The following PIP5K1B variants were observed in gnomAD, a reference collection of about 807,000 sequenced individuals.
The protein encoded by PIP5K1B is phosphatidylinositol 4-phosphate 5-kinase type-1 beta.
PIP5K1B carries 42 observed loss-of-function variants against 67.0 expected under a neutral mutation model. That is an observed-to-expected ratio of 0.63 (90% CI 0.49 to 0.81). The LOEUF (loss-of-function observed/expected upper bound fraction) is 0.81. Ranked by LOEUF, PIP5K1B falls within the 30% of genes least tolerant of loss-of-function variation. The pLI is 0.00. For synonymous variants in PIP5K1B, 214 were observed against 231.4 expected, an observed-to-expected ratio of 0.92 and a Z score of 0.68; for missense variants, 459 against 646.3, an observed-to-expected ratio of 0.71 and a Z score of 3.14.
intron 2 of PIP5K1B, among the ~76,000 whole-genome samples, chr9:68,753,955 C>T (rs973420255): frequency 4.6e-5 from 7 of 151,926 alleles, no homozygotes; most frequent in Admixed American, 6.6e-5. Flanking sequence ...CTACCATGCC[C>T]GGCCCTTCTT....
At chr9:68,757,895 A>G (rs1334769983) in intron 2 of PIP5K1B, among the ~76,000 whole-genome samples, 1 of 152,150 alleles carries the variant, frequency 6.6e-6, no homozygotes, top group Non-Finnish European at 1.5e-5. Flanking sequence ...TGCATGAAGC[A>G]GCTATTTGAG....
intron 1 of PIP5K1B, among the ~76,000 whole-genome samples, chr9:68,737,939 C>T (rs1006823463): frequency 6.6e-6 from 1 of 152,146 alleles, no homozygotes. Context: ...ACAAATATCT[C>T]TCACCGGTCT....
chr9:68,876,874 T>C, intron 6 of PIP5K1B, 80 bp downstream of exon 6: 1 of 766,462 alleles, frequency 1.3e-6, no homozygotes, highest in Non-Finnish European at 2.3e-6. Flanking sequence ...AACAAGTGGC[T>C]TGTGTCTCTC....
At chr9:68,778,788 C>CT (rs1831054712) in intron 2 of PIP5K1B, among the ~76,000 whole-genome samples, 1 of 152,226 alleles carries the variant, frequency 6.6e-6, no homozygotes, top group Admixed American at 6.5e-5. Context: ...TTACCCTCTC[C>CT]TAACACTCCC....
chr9:68,814,096 C>T (rs1833307308), intron 2 of PIP5K1B, among the ~76,000 whole-genome samples: 1 of 152,180 alleles, frequency 6.6e-6, no homozygotes, highest in Non-Finnish European at 1.5e-5. Flanking sequence ...GCCACTCAGT[C>T]ACAAGAGGTG....
chr9:68,730,600 G>A (rs1422721588), intron 1 of PIP5K1B, among the ~76,000 whole-genome samples: 1 of 152,174 alleles, frequency 6.6e-6, no homozygotes, highest in Non-Finnish European at 1.5e-5. Context: ...ATTCTTAACA[G>A]ATATCACACT....
rs763190878 is a variant in PIP5K1B, at chr9:68,780,997, T to G, written c.-85-37464T>G. On this transcript the variant is annotated intron_variant, in intron 2 of 15. Coordinates refer to ENST00000265382, the MANE Select transcript of PIP5K1B (RefSeq NM_003558.4). ...TCACCTGCCCAAGCGGCTTCTCCAT[T>G]TATTCCACTAGATGAACTTTCGTCT... The G allele has an allele frequency of 2.5e-6, 4 of 1,614,046 alleles. No individual in the cohort carries two copies. In the South Asian group the frequency reaches 4.4e-5, roughly 18 times the overall value.
At chr9:68,719,160 T>C (rs1366448353) in intron 1 of PIP5K1B, among the ~76,000 whole-genome samples, 1 of 152,208 alleles carries the variant, frequency 6.6e-6, no homozygotes, top group African/African-American at 2.4e-5. Context: ...CAGGCTGTGA[T>C]AGGCATGCTT....
chr9:68,941,102 G>A, intron 14 of PIP5K1B: 1 of 488,774 alleles, frequency 2.0e-6, no homozygotes, highest in South Asian at 1.5e-5. Flanking sequence ...TTCAGAGTGA[G>A]CACTCTTAGT....
intron 4 of PIP5K1B, among the ~76,000 whole-genome samples, chr9:68,856,414 T>C (rs1251879793): frequency 6.6e-6 from 1 of 152,216 alleles, no homozygotes; most frequent in African/African-American, 2.4e-5. Context: ...CCAGTCTTTG[T>C]TGACACGACT....
intron 15 of PIP5K1B, among the ~76,000 whole-genome samples, chr9:68,994,037 ATTTTTTTT>A (rs67700788): frequency 8.4e-6 from 1 of 118,592 alleles, no homozygotes; most frequent in African/African-American, 3.1e-5. Context: ...TTTTTCCTGA[ATTTTTTTT>A]TTTTTTTTTT....
intron 2 of PIP5K1B, among the ~76,000 whole-genome samples, chr9:68,769,593 T>G (rs887903729): frequency 3.3e-5 from 5 of 152,222 alleles, no homozygotes; most frequent in African/African-American, 4.8e-5. Flanking sequence ...AAACTAAGGT[T>G]TATTTTATAG....
intron 8 of PIP5K1B, among the ~76,000 whole-genome samples, chr9:68,906,787 C>T (rs7018568): frequency 0.034 from 5,215 of 152,254 alleles, 307 homozygotes; most frequent in African/African-American, 0.12. Context: ...ACCATTATCA[C>T]GACCAACTCA....
intron 5 of PIP5K1B, among the ~76,000 whole-genome samples, chr9:68,867,546 C>T (rs1823420998): frequency 6.6e-6 from 1 of 152,210 alleles, no homozygotes; most frequent in African/African-American, 2.4e-5. Context: ...CTTTGGTCCC[C>T]AGGCCCTGCC....
intron 14 of PIP5K1B, among the ~76,000 whole-genome samples, chr9:68,946,109 A>G (rs1406302482): frequency 1.3e-5 from 2 of 152,240 alleles, no homozygotes; most frequent in African/African-American, 4.8e-5. Context: ...TGCTGGGTTT[A>G]GAAAATCCTA....
intron 2 of PIP5K1B, among the ~76,000 whole-genome samples, chr9:68,800,424 CT>C (rs1385308129): frequency 1.3e-5 from 2 of 152,212 alleles, no homozygotes; most frequent in Admixed American, 1.3e-4. Context: ...TCCTTGTTTT[CT>C]GTGGCATGGG....
At chr9:68,921,532 G>C (rs1826401997) in intron 11 of PIP5K1B, among the ~76,000 whole-genome samples, 1 of 152,076 alleles carries the variant, frequency 6.6e-6, no homozygotes, top group Non-Finnish European at 1.5e-5. Context: ...AGATGGATCT[G>C]AATCGTCTAG....
intron 8 of PIP5K1B, among the ~76,000 whole-genome samples, chr9:68,910,943 A>C (rs779313683): frequency 3.3e-5 from 5 of 152,268 alleles, no homozygotes; most frequent in Non-Finnish European, 5.9e-5. Context: ...GACATTGGCT[A>C]GGGCCATATT....
intron 15 of PIP5K1B, among the ~76,000 whole-genome samples, chr9:68,993,461 A>T (rs992318052): frequency 2.3e-4 from 35 of 152,122 alleles, no homozygotes; most frequent in African/African-American, 7.5e-4. Context: ...CAGGTCCCCC[A>T]CCAACCGTTG....
Sources: gnomAD v4.1 joint callset for allele counts (sites outside exome capture counted in the v4.1 genomes callset) on GRCh38, gnomAD v4.1.1 for gene constraint, MANE v1.5 for transcripts, NCBI Gene and HGNC (gene_info 2026-07-23, HGNC 2026-07-21) for gene names.